The following PFKM variants were observed in gnomAD, a reference collection of about 807,000 sequenced individuals.
PFKM encodes the protein ATP-dependent 6-phosphofructokinase, muscle type.
Under a neutral mutation model 95.5 loss-of-function variants are expected in PFKM, and 58 were observed. The observed-to-expected ratio is 0.61, with a 90% CI of 0.49 to 0.76. The LOEUF is 0.76. Among genes scored for constraint, PFKM ranks in the 30% least tolerant of loss-of-function variants. The pLI is 0.00. For missense variants in PFKM, 678 were observed against 1,005.4 expected, an observed-to-expected ratio of 0.67 and a Z score of 4.40; for synonymous variants, 336 against 357.2, an observed-to-expected ratio of 0.94 and a Z score of 0.67.
In PFKM at chr12:48,145,967, A is replaced by G; in HGVS notation, c.*259A>G. The G allele has an allele frequency of 1.9e-6, 1 of 513,806 alleles. No individual in the cohort carries two copies. The highest frequency in any genetic ancestry group is 3.5e-6 in the Non-Finnish European group (1 of 285,310). The allele number at this position is 513,806 out of a possible 1,614,324, so 31.8% of individuals were successfully genotyped here. The stretch of plus-strand genomic sequence containing the variant: ...GGCACCTCTAGTGCTACTGCTAGAT[A>G]TCACTTACTCAGTTAGAATTTTCCT... On this transcript the variant is annotated 3_prime_UTR_variant, in exon 23 of 23. Coordinates refer to ENST00000359794, the MANE Select transcript of PFKM (RefSeq NM_000289.6). This position sits in a 1 kb window ranked among gnomAD's most constrained non-coding sequence, Gnocchi z 4.3.
chr12:48,131,918 G>A (rs1453299565), intron 4 of PFKM: 5 of 431,068 alleles, frequency 1.2e-5, no homozygotes, highest in African/African-American at 1.0e-4. Context: ...GGCTTCTCAT[G>A]TGTATCCACT....
chr12:48,109,285 C>T (rs1231183796), intron 3 of PFKM, among the ~76,000 whole-genome samples: 1 of 152,170 alleles, frequency 6.6e-6, no homozygotes, highest in Non-Finnish European at 1.5e-5. Flanking sequence ...CAGCTGACTG[C>T]TCAGAGCCAG....
chr12:48,128,568 T>C (rs1949092684), intron 2 of PFKM, among the ~76,000 whole-genome samples: 1 of 152,210 alleles, frequency 6.6e-6, no homozygotes, highest in African/African-American at 2.4e-5. Context: ...CAGTTAGTAT[T>C]TGTTCAGTGA....
chr12:48,130,931 G>GCAAGTCGCGTTTCTTTCC (rs1432540546), intron 3 of PFKM, among the ~76,000 whole-genome samples: 8 of 152,102 alleles, frequency 5.3e-5, no homozygotes, highest in Non-Finnish European at 1.0e-4. Context: ...ATCTTTTAGA[G>GCAAGTCGCGTTTCTTTCC]CAAGTCGCGT....
chr12:48,126,306 A>G (rs1267868483), intron 2 of PFKM, among the ~76,000 whole-genome samples: 1 of 152,170 alleles, frequency 6.6e-6, no homozygotes, highest in Non-Finnish European at 1.5e-5. Context: ...CCTTAATATA[A>G]ACTATTTGTA....
At chr12:48,124,207 A>G (rs1948585782) in intron 2 of PFKM, among the ~76,000 whole-genome samples, 1 of 152,222 alleles carries the variant, frequency 6.6e-6, no homozygotes, top group South Asian at 2.1e-4. Flanking sequence ...GAATGAAGAA[A>G]CTGAGGAAGG....
rs1256895423 is a variant in PFKM, at chr12:48,141,971, A to T, written c.1558A>T (p.Ile520Phe). Residue 520 changes from isoleucine (I) to phenylalanine (F), a missense_variant, in exon 17 of 23, where the codon ATC (isoleucine) becomes TTC (phenylalanine). Transcript: ENST00000359794. ...EGRKQFDELC[I>F]PFVVIPATVS... ...CAGGAAGCAGTTTGATGAGCTCTGC[A>T]TCCCATTTGTGGTCATTCCTGCTAC... The T allele has an allele frequency of 2.5e-6, 4 of 1,613,908 alleles. No homozygotes were observed. In the African/African-American group the frequency reaches 5.3e-5, roughly 22 times the overall value.
chr12:48,143,081 C>A, intron 18 of PFKM, 135 bp downstream of exon 18: 1 of 828,700 alleles, frequency 1.2e-6, no homozygotes, highest in Non-Finnish European at 2.0e-6. Context: ...CCAGAAAGAG[C>A]ACTATGCAGG....
Position 48,135,895 on chromosome 12 carries a change from T to C in PFKM, c.936+512T>C, listed in dbSNP as rs576712992. Reference sequence around the variant, plus strand: ...CCATCCCTCCTCATTATTATTATTATTATTATTTTTTGAGACGCACCATTG... The same window carrying C: ...CCATCCCTCCTCATTATTATTATTACTATTATTTTTTGAGACGCACCATTG... On this transcript the variant is annotated intron_variant, in intron 10 of 22. Coordinates refer to ENST00000359794, the MANE Select transcript of PFKM (RefSeq NM_000289.6). Among the ~76,000 whole-genome samples, 270 of 151,836 alleles carry C rather than the reference T, an allele frequency of 1.8e-3. 1 individual carries two copies. The highest frequency in any genetic ancestry group is 6.8e-3 in the Middle Eastern group (2 of 294).
chr12:48,143,068 A>G (rs1950714550), intron 18 of PFKM, 122 bp downstream of exon 18: 1 of 903,250 alleles, frequency 1.1e-6, no homozygotes, highest in African/African-American at 1.6e-5. Flanking sequence ...AATCCTGTGA[A>G]GACCAGAAAG....
intron 10 of PFKM, 148 bp downstream of exon 10, chr12:48,135,531 C>G: frequency 1.6e-6 from 1 of 622,242 alleles, no homozygotes; most frequent in Non-Finnish European, 2.9e-6. Context: ...GGCCACTGAC[C>G]CATTCCCATA....
intron 10 of PFKM, among the ~76,000 whole-genome samples, chr12:48,135,628 T>A (rs914259466): frequency 3.3e-5 from 5 of 152,198 alleles, no homozygotes; most frequent in African/African-American, 9.7e-5. Context: ...TTTTGTTTTG[T>A]TTCATATATT....
intron 3 of PFKM, among the ~76,000 whole-genome samples, chr12:48,111,531 T>A (rs1947185420): frequency 6.6e-6 from 1 of 152,162 alleles, no homozygotes; most frequent in African/African-American, 2.4e-5. Flanking sequence ...AGAGCTCAAG[T>A]TAAGACAATG....
chr12:48,107,978 A>C (rs1008868277), intron 2 of PFKM: 11 of 1,285,784 alleles, frequency 8.6e-6, no homozygotes, highest in African/African-American at 1.5e-5. Flanking sequence ...AAAGCCCTGG[A>C]CAGCTCAGAG....
chr12:48,108,031 G>A (rs1336685548), intron 2 of PFKM: 2 of 1,596,720 alleles, frequency 1.3e-6, no homozygotes, highest in East Asian at 4.5e-5. Flanking sequence ...TCCCTTCCCA[G>A]AATCCCACCT....
Position 48,141,506 on chromosome 12 carries a change from A to T in PFKM, c.1412+125A>T, listed in dbSNP as rs565565714. On this transcript the variant is annotated intron_variant, in intron 15 of 22. Coordinates refer to ENST00000359794, the MANE Select transcript of PFKM (RefSeq NM_000289.6). Reference sequence around the variant, plus strand: ...CTGGGTCCTCCACCCTCAACCTCACAGTTGCTGCCATGAGGGCAGACATGC... The same window carrying T: ...CTGGGTCCTCCACCCTCAACCTCACTGTTGCTGCCATGAGGGCAGACATGC... The T allele has an allele frequency of 1.4e-3, 1,166 of 860,732 alleles. 2 individuals carry two copies. The highest frequency in any genetic ancestry group is 2.0e-3 in the Non-Finnish European group (1,001 of 512,180). 53.3% of individuals were successfully genotyped at this position (860,732 alleles called of 1,614,324 possible).
At chr12:48,114,070 G>A (rs556738572) in intron 3 of PFKM, among the ~76,000 whole-genome samples, 11 of 152,212 alleles carry the variant, frequency 7.2e-5, no homozygotes, top group South Asian at 2.1e-4. Flanking sequence ...CTGGGGAATC[G>A]GCCGGATAGT....
At chr12:48,118,561 A>G (rs956622781), upstream of PFKM, 27 of 1,512,472 alleles carry the variant, frequency 1.8e-5, no homozygotes, top group African/African-American at 5.5e-5. Flanking sequence ...CTGTGGAGAC[A>G]ATGAAGCAAA....
intron 1 of PFKM, among the ~76,000 whole-genome samples, chr12:48,120,525 G>A (rs1465175534): frequency 6.6e-6 from 1 of 152,156 alleles, no homozygotes; most frequent in African/African-American, 2.4e-5. Context: ...CAGTCCAGTG[G>A]TTGGCAAACT....
Sources: allele counts gnomAD v4.1 joint callset (sites outside exome capture counted in the v4.1 genomes callset), GRCh38; gene constraint gnomAD v4.1.1; non-coding constraint Gnocchi (gnomAD v3.1); transcripts MANE v1.5; gene names NCBI Gene and HGNC (gene_info 2026-07-23, HGNC 2026-07-21).